CD58: variants seen among roughly 807,000 people sequenced by gnomAD.
The protein encoded by CD58 is CD58 molecule.
A neutral mutation model predicts 27.6 loss-of-function variants in CD58; 14 were observed. The ratio of observed to expected loss-of-function variants is 0.51; its 90% CI spans 0.34 to 0.79. The LOEUF is 0.79. CD58 is among the 30% of genes least tolerant of loss of function. The pLI is 0.02. For missense variants in CD58, 268 were observed against 301.7 expected (o/e 0.89, Z 0.83); for synonymous variants, 117 against 103.8 (o/e 1.13, Z -0.77).
chr1:116,549,619 C>T (rs533391297), intron 1 of CD58, among the ~76,000 whole-genome samples: 1 of 152,260 alleles, frequency 6.6e-6, no homozygotes, highest in African/African-American at 2.4e-5. Flanking sequence ...TATACATAGA[C>T]ACATACATAC....
In CD58 at chr1:116,523,557, TC is replaced by T. The variant is rs1657334965; in HGVS notation, c.629-1575del. Among the ~76,000 whole-genome samples the T allele has an allele frequency of 6.6e-6, 1 of 152,186 alleles. No individual in the cohort carries two copies. Among genetic ancestry groups the T allele is most frequent in the African/African-American group, 2.4e-5 (1 of 41,450 alleles). ...TGCTAGGTGCCCCCGAACATCATTTTCCCTTCTTTAGTAGCAAAATTCAGAT... is the reference window on the plus strand; with the variant it reads ...TGCTAGGTGCCCCCGAACATCATTTTCCTTCTTTAGTAGCAAAATTCAGAT... On this transcript the variant is annotated intron_variant, in intron 3 of 5. Coordinates refer to ENST00000369489, the MANE Select transcript of CD58 (RefSeq NM_001779.3). The surrounding 1 kb of genome is among the most constrained non-coding windows in gnomAD (Gnocchi z 4.4).
intron 1 of CD58, among the ~76,000 whole-genome samples, chr1:116,548,962 T>C (rs533427943): frequency 2.0e-4 from 30 of 152,328 alleles, no homozygotes; most frequent in African/African-American, 5.1e-4. Flanking sequence ...CCAAGAGGCA[T>C]ATCACCTTGC....
chr1:116,559,003 C>G lies in CD58; in HGVS notation c.70+11900G>C, dbSNP rs1010242220. ...GACAAAATCCCAGCCCTCTTGGAGT[C>G]TATTTTTCAGTGGAGGGAAGAACAT... On this transcript the variant is annotated intron_variant, in intron 1 of 5. Transcript: ENST00000369489. This position sits in a 1 kb window ranked among gnomAD's most constrained non-coding sequence, Gnocchi z 4.4. Among the ~76,000 whole-genome samples, 1 of 152,126 alleles carries G rather than the reference C, an allele frequency of 6.6e-6. No homozygotes were observed. The highest frequency in any genetic ancestry group is 2.4e-5 in the African/African-American group (1 of 41,418).
chr1:116,552,985 C>G lies in CD58; in HGVS notation c.71-8381G>C, dbSNP rs1363906675. 6.6e-6 allele frequency among the ~76,000 whole-genome samples: 1 copy of G among 152,030 alleles called. No homozygotes were observed. The highest frequency in any genetic ancestry group is 1.5e-5 in the Non-Finnish European group (1 of 68,016). ...AGTTGCCCTTTCCTTGGACTCCTGA[C>G]AGCATTAGGTAATTTTTTTTTTATG... On this transcript the variant is annotated intron_variant, in intron 1 of 5. Coordinates refer to ENST00000369489, the MANE Select transcript of CD58 (RefSeq NM_001779.3). The surrounding 1 kb of genome is among the most constrained non-coding windows in gnomAD (Gnocchi z 4.5).
At chr1:116,551,942 G>T (rs1429644864) in intron 1 of CD58, among the ~76,000 whole-genome samples, 4 of 152,092 alleles carry the variant, frequency 2.6e-5, no homozygotes, top group Admixed American at 6.6e-5. Context: ...GTTTCGCCAT[G>T]TTGGCCAGGT....
intron 1 of CD58, among the ~76,000 whole-genome samples, chr1:116,548,401 T>C (rs1658267171): frequency 6.6e-6 from 1 of 152,200 alleles, no homozygotes; most frequent in Non-Finnish European, 1.5e-5. Context: ...GTTTTTCTGA[T>C]GTTATCTTCT....
intron 1 of CD58, among the ~76,000 whole-genome samples, chr1:116,567,425 C>A (rs920351423): frequency 6.6e-6 from 1 of 151,958 alleles, no homozygotes; most frequent in South Asian, 2.1e-4. Flanking sequence ...CACTTGAGCC[C>A]AGGAGTTTAA....
chr1:116,522,062 G>C lies in CD58; in HGVS notation c.629-79C>G. ...CCTCATTATTTGCAGATTCCACCTT[G>C]CGGTTTGCTTATTTACTGAAATTTA... On this transcript the variant is annotated intron_variant, in intron 3 of 5. Transcript: ENST00000369489. This position sits in a 1 kb window ranked among gnomAD's most constrained non-coding sequence, Gnocchi z 4.6. 1 of 729,462 alleles carries C rather than the reference G, an allele frequency of 1.4e-6. No individual in the cohort carries two copies. 45.2% of individuals were successfully genotyped at this position (729,462 alleles called of 1,614,324 possible).
intron 3 of CD58, among the ~76,000 whole-genome samples, chr1:116,529,010 G>A (rs532548051): frequency 5.3e-5 from 8 of 152,042 alleles, no homozygotes; most frequent in Non-Finnish European, 1.2e-4. Context: ...GTTTTATAGT[G>A]ACTAACCATC....
chr1:116,568,241 G>C (rs971205831), intron 1 of CD58, among the ~76,000 whole-genome samples: 1 of 152,078 alleles, frequency 6.6e-6, no homozygotes, highest in Admixed American at 6.6e-5. Flanking sequence ...TTGTTCTTAT[G>C]AGACATATGA....
chr1:116,547,494 T>A lies in CD58; in HGVS notation c.71-2890A>T, dbSNP rs958025395. On this transcript the variant is annotated intron_variant, in intron 1 of 5. Transcript: ENST00000369489. Reference sequence around the variant, plus strand: ...GCGCCCACCACCATGCCCGGCTAATTTTTTTTTTGTATTTTTAGTAAAGAC... The same window carrying A: ...GCGCCCACCACCATGCCCGGCTAATATTTTTTTTGTATTTTTAGTAAAGAC... Among the ~76,000 whole-genome samples the A allele has an allele frequency of 6.8e-4, 102 of 150,424 alleles. 1 individual carries two copies. The highest frequency in any genetic ancestry group is 1.2e-3 in the Admixed American group (18 of 15,070).
rs1035514009 is a variant in CD58 at position 116,523,118 on chromosome 1, A to G, written c.629-1135T>C. 6.6e-6 allele frequency among the ~76,000 whole-genome samples: 1 copy of G among 152,198 alleles called. No homozygotes were observed. The highest frequency in any genetic ancestry group is 1.5e-5 in the Non-Finnish European group (1 of 68,042). On this transcript the variant is annotated intron_variant, in intron 3 of 5. Transcript: ENST00000369489. The surrounding 1 kb of genome is among the most constrained non-coding windows in gnomAD (Gnocchi z 4.4). ...CCATTTCTAAGATGTTATCCTGGGG[A>G]AAATATCAATGATGTGCCCTTCTAC...
intron 3 of CD58, among the ~76,000 whole-genome samples, chr1:116,530,170 G>A (rs917575982): frequency 6.6e-6 from 1 of 151,558 alleles, no homozygotes; most frequent in Non-Finnish European, 1.5e-5. Flanking sequence ...AAGTGACCCT[G>A]GGCAAGTCAC....
chr1:116,551,861 TC>T (rs892351558), intron 1 of CD58, among the ~76,000 whole-genome samples: 23 of 151,494 alleles, frequency 1.5e-4, no homozygotes, highest in Middle Eastern at 3.2e-3. Flanking sequence ...TGCCTCAGCC[TC>T]CCAACCAGCT....
Position 116,544,594 on chromosome 1 carries a change from G to A in CD58, c.81C>T (p.Ser27=), listed in dbSNP as rs1658102774. The A allele has an allele frequency of 1.3e-6, 2 of 1,579,880 alleles. No individual in the cohort carries two copies. The highest frequency in any genetic ancestry group is 2.7e-5 in the African/African-American group (2 of 73,062). ...CACCATATATTTGTTGGGAAAAACAGCTGATGAAACCTAGGAGAGAAAAAA... is the reference window on the plus strand; with the variant it reads ...CACCATATATTTGTTGGGAAAAACAACTGATGAAACCTAGGAGAGAAAAAA... ...VCLLHCFGFI[S]CFSQQIYGVV... The change falls in exon 2 of 6, where the codon AGC becomes AGT. Residue 27 remains serine (S), a synonymous_variant. Transcript: ENST00000369489.
At chr1:116,567,998 G>A (rs1391926288) in intron 1 of CD58, among the ~76,000 whole-genome samples, 1 of 138,640 alleles carries the variant, frequency 7.2e-6, no homozygotes, top group Non-Finnish European at 1.5e-5. Context: ...CATCCAAAGG[G>A]ACATTCGGTA....
chr1:116,551,441 T>C (rs1244497280), intron 1 of CD58, among the ~76,000 whole-genome samples: 1 of 152,242 alleles, frequency 6.6e-6, no homozygotes, highest in Non-Finnish European at 1.5e-5. Flanking sequence ...GCTTCAAACT[T>C]TTCTCCTGCA....
In CD58 at chr1:116,552,880, AT is replaced by A. The variant is rs35275493; in HGVS notation, c.71-8277del. Among the ~76,000 whole-genome samples the A allele has an allele frequency of 1.3e-5, 2 of 151,886 alleles. No homozygotes were observed. The highest frequency in any genetic ancestry group is 4.8e-5 in the African/African-American group (2 of 41,374). On this transcript the variant is annotated intron_variant, in intron 1 of 5. Transcript: ENST00000369489. The surrounding 1 kb of genome is among the most constrained non-coding windows in gnomAD (Gnocchi z 4.5). Reference sequence around the variant, plus strand: ...AGTTGCTACATCAAAAGGTAAATAGATTTTTTTTATTTTAATAGAAGTTGCT... The same window carrying A: ...AGTTGCTACATCAAAAGGTAAATAGATTTTTTTATTTTAATAGAAGTTGCT...
In CD58 at chr1:116,516,003, C is replaced by T. The variant is rs557097620; in HGVS notation, c.744-1181G>A. Among the ~76,000 whole-genome samples, 7 of 152,276 alleles carry T rather than the reference C, an allele frequency of 4.6e-5. No individual in the cohort carries two copies. Among genetic ancestry groups the T allele is most frequent in the South Asian group, 2.1e-4 (1 of 4,816 alleles). On this transcript the variant is annotated intron_variant, in intron 5 of 5. Transcript: ENST00000369489. The surrounding 1 kb of genome is among the most constrained non-coding windows in gnomAD (Gnocchi z 6.1). ...CTTGCCCCTTTCTCATCTCCTCCCC[C>T]GATCTCCTCCATCTCCACCATATAC...
Sources: allele counts gnomAD v4.1 joint callset (sites outside exome capture counted in the v4.1 genomes callset), GRCh38; gene constraint gnomAD v4.1.1; non-coding constraint Gnocchi (gnomAD v3.1); transcripts MANE v1.5; gene names NCBI Gene and HGNC (gene_info 2026-07-23, HGNC 2026-07-21).